Variants in SPATA22 observed in about 807,000 individuals in gnomAD.
SPATA22 encodes spermatogenesis-associated protein 22.
Under a neutral mutation model 47.8 loss-of-function variants are expected in SPATA22, and 29 were observed. The ratio of observed to expected loss-of-function variants is 0.61; its 90% CI spans 0.45 to 0.83. The LOEUF is 0.83. Among genes scored for constraint, SPATA22 ranks in the 40% least tolerant of loss-of-function variants. SPATA22 has a pLI of 0.00. For missense variants in SPATA22, 410 were observed against 421.7 expected (o/e 0.97, Z 0.24); for synonymous variants, 133 against 140.9 (o/e 0.94, Z 0.40).
At chr17:3,457,233 C>G (rs1353107675) in intron 5 of SPATA22, among the ~76,000 whole-genome samples, 3 of 151,604 alleles carry the variant, frequency 2.0e-5, no homozygotes, top group Non-Finnish European at 4.4e-5. Flanking sequence ...AAAGGGTATT[C>G]AATTAGGAAA....
At chr17:3,464,142 G>A (rs1378839138) in intron 3 of SPATA22, among the ~76,000 whole-genome samples, 113 of 152,210 alleles carry the variant, frequency 7.4e-4, no homozygotes, top group African/African-American at 2.6e-3. Context: ...CGCCACGCCT[G>A]ACTGGTTTTC....
At position 3,442,482 on chromosome 17, in the gene SPATA22, T is replaced by C. The variant is rs546069106; in HGVS notation, c.900+692A>G. The stretch of plus-strand genomic sequence containing the variant: ...TTTTACAAAGTTTATGTAGCTCTTA[T>C]ACAGCCTCAATGTGTGTAGGTCTAT... On this transcript the variant is annotated intron_variant, in intron 8 of 8. Coordinates refer to ENST00000572969, the MANE Select transcript of SPATA22 (RefSeq NM_001170698.2). Among the ~76,000 whole-genome samples, 81 of 152,116 alleles carry C rather than the reference T, an allele frequency of 5.3e-4. 1 individual carries two copies. Among genetic ancestry groups the C allele is most frequent in the Admixed American group, 1.6e-3 (25 of 15,250 alleles).
chr17:3,512,616 G>C (rs2074128011), intron 1 of SPATA22: 1 of 152,048 alleles, frequency 6.6e-6, no homozygotes, highest in South Asian at 2.1e-4. Flanking sequence ...AACGGCGGCA[G>C]AGTGGATTTT....
chr17:3,512,603 G>C (rs978797055), intron 1 of SPATA22: 1 of 151,998 alleles, frequency 6.6e-6, no homozygotes, highest in African/African-American at 2.4e-5. Flanking sequence ...CCTTTCACCA[G>C]ATAACGGCGG....
At chr17:3,454,513 T>C (rs932499726) in intron 5 of SPATA22, among the ~76,000 whole-genome samples, 94 of 151,858 alleles carry the variant, frequency 6.2e-4, no homozygotes, top group Admixed American at 9.2e-4. Flanking sequence ...TGTGTTCTCA[T>C]TGTTCAATTC....
intron 1 of SPATA22, among the ~76,000 whole-genome samples, chr17:3,469,826 T>C (rs12602629): frequency 0.23 from 35,144 of 152,102 alleles, 4,348 homozygotes; most frequent in East Asian, 0.42. Flanking sequence ...CATCTGCCTT[T>C]GCATCAGTTT....
At chr17:3,474,224 T>C (rs991098787), upstream of SPATA22, 2 of 152,218 alleles carry the variant, frequency 1.3e-5, no homozygotes, top group African/African-American at 4.8e-5. Context: ...AAAAAAGTTA[T>C]TCATTTTGAC....
At chr17:3,442,252 A>C (rs947286980) in intron 8 of SPATA22, among the ~76,000 whole-genome samples, 1 of 152,050 alleles carries the variant, frequency 6.6e-6, no homozygotes, top group African/African-American at 2.4e-5. Flanking sequence ...TGTGTCATGC[A>C]CTGTATATTC....
upstream of SPATA22, chr17:3,472,068 A>G (rs1417811220): frequency 1.8e-5 from 3 of 165,950 alleles, no homozygotes; most frequent in Non-Finnish European, 3.7e-5. Flanking sequence ...CAGCCCCACC[A>G]TCGTCTAAAA....
At chr17:3,498,865 T>C (rs1020492620) in intron 1 of SPATA22, 1 of 1,495,538 alleles carries the variant, frequency 6.7e-7, no homozygotes, top group Non-Finnish European at 8.9e-7. Context: ...AAATATAATA[T>C]ATTTATTTTG....
chr17:3,492,868 G>A (rs1214022222), intron 1 of SPATA22, among the ~76,000 whole-genome samples: 1 of 152,198 alleles, frequency 6.6e-6, no homozygotes, highest in Non-Finnish European at 1.5e-5. Context: ...CACAAAGCCA[G>A]TGTAGACGGA....
rs886052853 is a variant in SPATA22 at position 3,513,832 on chromosome 17, T to C, written c.-494A>G. 30 of 1,194,048 alleles carry C rather than the reference T, an allele frequency of 2.5e-5. No individual in the cohort carries two copies. In the South Asian group the frequency reaches 2.7e-4, roughly 11 times the overall value. The allele number at this position is 1,194,048 out of a possible 1,614,324, so 74.0% of individuals were successfully genotyped here. ...AGGCCAGCAGAGCCGGACTCCACCA[T>C]CCCTCAAAGCCTCTCTGCACAGAGT... On this transcript the variant is annotated 5_prime_UTR_variant, in exon 1 of 9. Coordinates refer to the SPATA22 transcript ENST00000541913.
rs1410268873 is a variant in SPATA22, at chr17:3,453,040, C to T, written c.330-3891G>A. Among the ~76,000 whole-genome samples the T allele has an allele frequency of 2.6e-5, 4 of 152,278 alleles. No homozygotes were observed. In the South Asian group the frequency reaches 6.2e-4, roughly 24 times the overall value. ...CAAATTCATTTTATGAGACTAGCATCACTCTGATATCAAAATCAAACAAAG... is the reference window on the plus strand; with the variant it reads ...CAAATTCATTTTATGAGACTAGCATTACTCTGATATCAAAATCAAACAAAG... On this transcript the variant is annotated intron_variant, in intron 5 of 8. Transcript: ENST00000572969.
At chr17:3,467,109 A>C (rs1251172790) in intron 3 of SPATA22, among the ~76,000 whole-genome samples, 1 of 152,068 alleles carries the variant, frequency 6.6e-6, no homozygotes, top group African/African-American at 2.4e-5. Flanking sequence ...ATTCTTTACC[A>C]CCAAATGTAT....
chr17:3,504,549 CTTTTCT>C, intron 1 of SPATA22, among the ~76,000 whole-genome samples: 1 of 22,760 alleles, frequency 4.4e-5, no homozygotes, highest in Middle Eastern at 0.036. Flanking sequence ...AGGAAATTTT[CTTTTCT>C]TTTTTTTTTT....
chr17:3,506,925 G>A (rs533978868), intron 1 of SPATA22, among the ~76,000 whole-genome samples: 1 of 143,670 alleles, frequency 7.0e-6, no homozygotes, highest in East Asian at 2.2e-4. Flanking sequence ...TGGGTGACAA[G>A]GCAAGACTCT....
chr17:3,475,340 T>G (rs1597421257), upstream of SPATA22: 1 of 152,344 alleles, frequency 6.6e-6, no homozygotes, highest in Non-Finnish European at 1.5e-5. Context: ...GGTTAGCACA[T>G]GCAGTGTGTC....
intron 1 of SPATA22, 106 bp from the exon 2 acceptor site, chr17:3,469,504 A>C: frequency 1.8e-6 from 1 of 550,056 alleles, no homozygotes; most frequent in South Asian, 2.9e-5. Context: ...AAACCTGATC[A>C]CGTAAACACT....
In SPATA22 at chr17:3,464,588, G is replaced by T. The variant is rs4790493; in HGVS notation, c.173-1821C>A. ...CTAGGAAGTGAGGAGCGTCTCTGCC[G>T]GGCCGCCCATCGTCTGAGATGTGGG... On this transcript the variant is annotated intron_variant, in intron 3 of 8. Transcript: ENST00000572969. Among the ~76,000 whole-genome samples, 112 of 122,856 alleles carry T rather than the reference G, an allele frequency of 9.1e-4. 2 individuals are homozygous for T. The highest frequency in any genetic ancestry group is 3.1e-3 in the African/African-American group (104 of 33,076). The allele number at this position is 122,856 out of a possible 152,430, so 80.6% of individuals were successfully genotyped here.
Sources: gnomAD v4.1 joint callset for allele counts (sites outside exome capture counted in the v4.1 genomes callset) on GRCh38, gnomAD v4.1.1 for gene constraint, MANE v1.5 for transcripts, NCBI Gene and HGNC (gene_info 2026-07-23, HGNC 2026-07-21) for gene names.